Variants in NAV1 observed in about 807,000 individuals in gnomAD.
NAV1 encodes the protein pore membrane and/or filament interacting like protein 3.
NAV1 carries 18 observed loss-of-function variants against 175.2 expected under a neutral mutation model. That is an observed-to-expected ratio of 0.10 (90% CI 0.07 to 0.15). The LOEUF (loss-of-function observed/expected upper bound fraction) is 0.15. Ranked by LOEUF, NAV1 falls within the 10% of genes least tolerant of loss-of-function variation. The probability of loss-of-function intolerance (pLI) is 1.00; values close to 1 mark genes in which losing one functional copy is unlikely to be tolerated. For missense variants in NAV1, 1,731 were observed against 2,436.6 expected (o/e 0.71, Z 6.10); for synonymous variants, 897 against 978.7 (o/e 0.92, Z 1.56).
chr1:201,768,704 A>G (rs926069878), intron 3 of NAV1, among the ~76,000 whole-genome samples: 1 of 152,060 alleles, frequency 6.6e-6, no homozygotes, highest in Non-Finnish European at 1.5e-5. Context: ...AACAAGTGCT[A>G]AAGTGTAGAC....
At chr1:201,759,445 C>T (rs1430982329) in intron 3 of NAV1, among the ~76,000 whole-genome samples, 1 of 152,208 alleles carries the variant, frequency 6.6e-6, no homozygotes, top group Non-Finnish European at 1.5e-5. Context: ...AAGTATGATG[C>T]AGAGGTCGTG....
At chr1:201,587,132 G>A (rs1212626903) in intron 1 of NAV1, among the ~76,000 whole-genome samples, 1 of 152,020 alleles carries the variant, frequency 6.6e-6, no homozygotes, top group Admixed American at 6.6e-5. Flanking sequence ...GAAGGCTTGA[G>A]CATGGGAAAT....
In NAV1 at chr1:201,808,111, G is replaced by T. The variant is rs1226954466; in HGVS notation, c.3807G>T (p.Lys1269Asn). 6.2e-7 allele frequency: 1 copy of T among 1,614,006 alleles called. No homozygotes were observed. The highest frequency in any genetic ancestry group is 8.5e-7 in the Non-Finnish European group (1 of 1,180,034). ...CAGAGACTGCTTCACCCTCCATCAA[G>T]TCCTCCACCTCGTCCTCCGTGGGCA... The change falls in exon 18 of 30, where the codon AAG (lysine) becomes AAT (asparagine). Residue 1269 changes from lysine to asparagine, a missense_variant. Around this residue, in one of 13 missense-constraint regions of NAV1, gnomAD observed 146 missense variants for 176.8 expected, o/e 0.83. Coordinates refer to ENST00000367296, the Ensembl canonical transcript of NAV1. The surrounding 1 kb of genome is among the most constrained non-coding windows in gnomAD (Gnocchi z 5.5).
chr1:201,657,466 A>G (rs777572065), intron 1 of NAV1, among the ~76,000 whole-genome samples: 2 of 152,142 alleles, frequency 1.3e-5, no homozygotes, highest in Non-Finnish European at 2.9e-5. Flanking sequence ...TCTATGCTCC[A>G]TTCGTCTTTC....
At chr1:201,646,690 CAG>C (rs1342058544), upstream of NAV1, among the ~76,000 whole-genome samples, 1 of 152,162 alleles carries the variant, frequency 6.6e-6, no homozygotes, top group East Asian at 1.9e-4. Context: ...ATCTGGAAGG[CAG>C]AGAGTCCTGA....
At position 201,812,270 on chromosome 1, in the gene NAV1, G is replaced by C. The variant is rs1447082583; in HGVS notation, c.5025-195G>C. On this transcript the variant is annotated intron_variant, in intron 26 of 29. Transcript: ENST00000367296. This position sits in a 1 kb window ranked among gnomAD's most constrained non-coding sequence, Gnocchi z 4.6. Reference sequence around the variant, plus strand: ...TGATGTCAGAAGGTTATCCGAAGAGGGCTACCAATTTGAGAATCAGCTCTA... The same window carrying C: ...TGATGTCAGAAGGTTATCCGAAGAGCGCTACCAATTTGAGAATCAGCTCTA... 6.6e-6 allele frequency among the ~76,000 whole-genome samples: 1 copy of C among 152,142 alleles called. No individual in the cohort carries two copies. The highest frequency in any genetic ancestry group is 1.5e-5 in the Non-Finnish European group (1 of 68,030).
intron 3 of NAV1, among the ~76,000 whole-genome samples, chr1:201,743,647 A>AT (rs374921630): frequency 1.9e-4 from 29 of 150,620 alleles, no homozygotes; most frequent in East Asian, 1.9e-4. Context: ...AATTCTTTAG[A>AT]TTTTTTTTTT....
At chr1:201,766,700 T>C (rs748765018) in intron 3 of NAV1, among the ~76,000 whole-genome samples, 3 of 152,228 alleles carry the variant, frequency 2.0e-5, no homozygotes, top group Non-Finnish European at 4.4e-5. Flanking sequence ...GGACCAAATG[T>C]AACTACTGTA....
chr1:201,790,889 T>G, intron 13 of NAV1, 123 bp downstream of exon 17: 2 of 830,950 alleles, frequency 2.4e-6, no homozygotes, highest in East Asian at 5.2e-5. Flanking sequence ...AGGGCATGCG[T>G]CTTCTTCACA....
chr1:201,734,487 AAGAAGG>A lies in NAV1; in HGVS notation c.1226+15744_1226+15749del, dbSNP rs1315666007. Among the ~76,000 whole-genome samples the A allele has an allele frequency of 1.3e-3, 161 of 127,476 alleles. 12 individuals carry two copies. The highest frequency in any genetic ancestry group is 4.2e-3 in the Middle Eastern group (1 of 238). The allele number at this position is 127,476 out of a possible 152,430, so 83.6% of individuals were successfully genotyped here. ...GAGGAGGAAGAGGAGGAGGAGGAGG[AAGAAGG>A]AGAAGGAGAAGAAGAAGAAGAAGAA... On this transcript the variant is annotated intron_variant, in intron 3 of 29. Transcript: ENST00000367296.
Position 201,813,080 on chromosome 1 carries a change from G to A in NAV1, c.5222-60G>A. 2.4e-6 allele frequency: 3 copies of A among 1,230,848 alleles called. No individual in the cohort carries two copies. Among genetic ancestry groups the A allele is most frequent in the South Asian group, 2.5e-5 (2 of 80,244 alleles). 76.2% of individuals were successfully genotyped at this position (1,230,848 alleles called of 1,614,324 possible). On this transcript the variant is annotated intron_variant, in intron 27 of 29. Transcript: ENST00000367296. This position sits in a 1 kb window ranked among gnomAD's most constrained non-coding sequence, Gnocchi z 4.2. ...TGCCTGGTACTAAGGAGTAAAAGAG[G>A]CACACAACCGGGAAGATCTAGGTTC...
chr1:201,812,728 GGAT>G lies in NAV1; in HGVS notation c.5221+69_5221+71del. 1 of 1,393,494 alleles carries G rather than the reference GGAT, an allele frequency of 7.2e-7. No homozygotes were observed. Among genetic ancestry groups the G allele is most frequent in the Non-Finnish European group, 1.0e-6 (1 of 990,698 alleles). 86.3% of individuals were successfully genotyped at this position (1,393,494 alleles called of 1,614,324 possible). A position where few individuals can be genotyped will look rare whatever the true frequency, so the allele number is the denominator to read the frequency against. On this transcript the variant is annotated intron_variant, in intron 27 of 29. Coordinates refer to ENST00000367296, the Ensembl canonical transcript of NAV1. The surrounding 1 kb of genome is among the most constrained non-coding windows in gnomAD (Gnocchi z 4.6). ...CCCTTTTCCACTGTACCACCTGGAG[GGAT>G]GCTCCCTTCTCTTCCTGGAGTCTTC...
rs541020155 is a variant in NAV1, at chr1:201,604,613, C to G, written c.-33+15964C>G. Among the ~76,000 whole-genome samples the G allele has an allele frequency of 5.5e-5, 8 of 146,422 alleles. No individual in the cohort carries two copies. In the South Asian group the frequency reaches 1.8e-3, roughly 33 times the overall value. Reference sequence around the variant, plus strand: ...GGTAGAATCGCTTGAACCTGGGAGGCGGAGGTTGCAGTGAGCCGAGATCGT... The same window carrying G: ...GGTAGAATCGCTTGAACCTGGGAGGGGGAGGTTGCAGTGAGCCGAGATCGT... On this transcript the variant is annotated intron_variant, in intron 2 of 33. Coordinates refer to the NAV1 transcript ENST00000685211.
intron 2 of NAV1, among the ~76,000 whole-genome samples, chr1:201,612,886 G>T (rs1219282933): frequency 6.6e-6 from 1 of 151,994 alleles, no homozygotes; most frequent in Non-Finnish European, 1.5e-5. Flanking sequence ...TATGGTGTTG[G>T]TCTGAGGGGT....
chr1:201,671,314 G>A (rs1670037394), intron 1 of NAV1, among the ~76,000 whole-genome samples: 1 of 152,120 alleles, frequency 6.6e-6, no homozygotes, highest in Non-Finnish European at 1.5e-5. Context: ...TTTACGGGCT[G>A]AACTGAGGAG....
intron 6 of NAV1, 53 bp from the exon 11 acceptor site, chr1:201,783,353 C>T: frequency 1.3e-6 from 2 of 1,541,584 alleles, no homozygotes; most frequent in South Asian, 1.2e-5. Context: ...GTCCTATCTG[C>T]CTCTCACTCT....
intron 1 of NAV1, among the ~76,000 whole-genome samples, chr1:201,695,269 T>A (rs1671142927): frequency 6.6e-6 from 1 of 152,202 alleles, no homozygotes; most frequent in African/African-American, 2.4e-5. Flanking sequence ...AGGGCTCTCT[T>A]AACAGCTTTC....
chr1:201,793,728 T>C (rs1206104725), intron 13 of NAV1, 64 bp from the exon 18 acceptor site: 15 of 1,390,168 alleles, frequency 1.1e-5, no homozygotes, highest in Non-Finnish European at 1.5e-5. Flanking sequence ...TATTTCCCAT[T>C]GTCAGTTATT....
At chr1:201,720,717 G>A (rs113296433) in intron 3 of NAV1, among the ~76,000 whole-genome samples, 1 of 152,154 alleles carries the variant, frequency 6.6e-6, no homozygotes, top group Non-Finnish European at 1.5e-5. Context: ...GGATTCAATG[G>A]GTTAATATAT....
Sources: gnomAD v4.1 joint callset for allele counts (sites outside exome capture counted in the v4.1 genomes callset) on GRCh38, gnomAD v4.1.1 for gene constraint, gnomAD v4.1.1 regional missense constraint, Gnocchi (gnomAD v3.1) non-coding constraint, MANE v1.5 for transcripts, NCBI Gene and HGNC (gene_info 2026-07-23, HGNC 2026-07-21) for gene names.